The following SNX29 variants were observed in gnomAD, a reference collection of about 807,000 sequenced individuals.
SNX29 encodes sorting nexin-29.
SNX29 carries 78 observed loss-of-function variants against 102.1 expected under a neutral mutation model. That is an observed-to-expected ratio of 0.76 (90% confidence interval 0.64 to 0.92). The LOEUF (loss-of-function observed/expected upper bound fraction) is 0.92, where lower values mean the gene tolerates loss of function less well. Among genes scored for constraint, SNX29 ranks in the 40% least tolerant of loss-of-function variants. The pLI, the probability that SNX29 is intolerant of heterozygous loss-of-function variation, is 0.00. For synonymous variants in SNX29, 580 were observed against 414.5 expected (o/e 1.40, Z -4.85); for missense variants, 1,280 against 1,061.7 (o/e 1.21, Z -2.86).
chr16:12,193,350 A>G (rs2076691758), intron 13 of SNX29, among the ~76,000 whole-genome samples: 1 of 151,982 alleles, frequency 6.6e-6, no homozygotes, highest in Non-Finnish European at 1.5e-5. Context: ...GGTGCCGGTA[A>G]TCCCAGCTAC....
intron 14 of SNX29, among the ~76,000 whole-genome samples, chr16:12,207,761 A>G (rs572611751): frequency 6.6e-6 from 1 of 152,290 alleles, no homozygotes; most frequent in Non-Finnish European, 1.5e-5. Flanking sequence ...TGGATCTTTC[A>G]GTTTCCTAAA....
At chr16:12,248,932 T>C (rs572279021) in intron 14 of SNX29, among the ~76,000 whole-genome samples, 3 of 152,286 alleles carry the variant, frequency 2.0e-5, no homozygotes, top group East Asian at 1.9e-4. Context: ...GTGAGTAGTG[T>C]GGAGCATGCT....
At chr16:12,011,086 C>T (rs1215657108) in intron 3 of SNX29, among the ~76,000 whole-genome samples, 1 of 152,002 alleles carries the variant, frequency 6.6e-6, no homozygotes, top group South Asian at 2.1e-4. Flanking sequence ...GACTCTCCCC[C>T]TCCCTTACCC....
intron 20 of SNX29, chr16:12,557,623 G>C (rs531207020): frequency 3.3e-5 from 5 of 152,132 alleles, no homozygotes; most frequent in African/African-American, 1.2e-4. Context: ...TGGCATCCCA[G>C]AATGCTGGGA....
At chr16:11,978,153 A>T (rs1304208917) in intron 1 of SNX29, among the ~76,000 whole-genome samples, 1 of 151,986 alleles carries the variant, frequency 6.6e-6, no homozygotes, top group East Asian at 1.9e-4. Context: ...CAGTCCTAAT[A>T]ATGAGGGGGC....
intron 18 of SNX29, among the ~76,000 whole-genome samples, chr16:12,476,413 CATATATATATATATATAT>C (rs61390803): frequency 2.0e-4 from 4 of 19,526 alleles, no homozygotes; most frequent in African/African-American, 3.1e-4. Flanking sequence ...TATATATATA[CATATATATATATATATAT>C]ATATATATAT....
intron 18 of SNX29, among the ~76,000 whole-genome samples, chr16:12,411,074 C>T (rs1241037200): frequency 6.6e-6 from 1 of 152,194 alleles, no homozygotes; most frequent in East Asian, 1.9e-4. Flanking sequence ...ATGGGAACTG[C>T]AGCTGCAGTG....
intron 8 of SNX29, among the ~76,000 whole-genome samples, chr16:12,054,386 C>T (rs1409555890): frequency 1.3e-5 from 2 of 152,208 alleles, no homozygotes; most frequent in East Asian, 1.9e-4. Flanking sequence ...TATTCTGCTT[C>T]TGGGTGGATC....
Position 12,098,372 on chromosome 16 carries a change from G to A in SNX29, c.1402+19457G>A, listed in dbSNP as rs2052858638. 6.6e-6 allele frequency among the ~76,000 whole-genome samples: 1 copy of A among 152,172 alleles called. No homozygotes were observed. Among genetic ancestry groups the A allele is most frequent in the Non-Finnish European group, 1.5e-5 (1 of 68,028 alleles). On this transcript the variant is annotated intron_variant, in intron 11 of 20. Coordinates refer to ENST00000566228, the MANE Select transcript of SNX29 (RefSeq NM_032167.5). The surrounding 1 kb of genome is among the most constrained non-coding windows in gnomAD (Gnocchi z 6.0). ...ATCAGCCACCTTGCTCCCCGTCCAG[G>A]ACTCTAACCATTGGAGTTCACCTTC...
At chr16:12,565,017 C>G (rs79750562) in intron 20 of SNX29, among the ~76,000 whole-genome samples, 1 of 152,052 alleles carries the variant, frequency 6.6e-6, no homozygotes, top group Non-Finnish European at 1.5e-5. Flanking sequence ...CTGTTGGACG[C>G]CAGTCCTGGG....
chr16:12,503,548 A>G (rs1280624925), intron 19 of SNX29, among the ~76,000 whole-genome samples: 3 of 152,144 alleles, frequency 2.0e-5, no homozygotes, highest in Non-Finnish European at 4.4e-5. Context: ...AGCTGAGGAA[A>G]ACTCCTAGAC....
In SNX29 at chr16:12,181,029, C is replaced by G. The variant is rs144543476; in HGVS notation, c.1596-18572C>G. On this transcript the variant is annotated intron_variant, in intron 13 of 20. Transcript: ENST00000566228. ...TTTTTCCCTCACTGCAGGGCCCAGT[C>G]CTGGAAGGGAGTCCTGACAGTACAG... Among the ~76,000 whole-genome samples, 599 of 152,264 alleles carry G rather than the reference C, an allele frequency of 3.9e-3. 15 individuals carry two copies. Among genetic ancestry groups the G allele is most frequent in the Admixed American group, 0.029 (451 of 15,300 alleles).
chr16:12,327,648 G>T (rs1182247458), intron 15 of SNX29, among the ~76,000 whole-genome samples: 1 of 152,164 alleles, frequency 6.6e-6, no homozygotes. Flanking sequence ...TGGGGGTTTG[G>T]ATTTGAACAT....
chr16:12,527,811 A>G (rs1039904131), intron 20 of SNX29, among the ~76,000 whole-genome samples: 1 of 138,730 alleles, frequency 7.2e-6, no homozygotes, highest in South Asian at 2.3e-4. Flanking sequence ...TTTGTTATTT[A>G]TTTTTCTTCT....
chr16:12,553,172 C>G (rs746926020), intron 20 of SNX29, among the ~76,000 whole-genome samples: 3 of 152,144 alleles, frequency 2.0e-5, no homozygotes, highest in Non-Finnish European at 4.4e-5. Context: ...ATTTTTGGAT[C>G]TTTAAGTCAG....
At chr16:12,533,660 C>A (rs973189518) in intron 20 of SNX29, among the ~76,000 whole-genome samples, 1 of 152,182 alleles carries the variant, frequency 6.6e-6, no homozygotes, top group African/African-American at 2.4e-5. Context: ...GATCTTCCAG[C>A]ATCAATAGGC....
chr16:12,413,294 G>T (rs2084483100), intron 18 of SNX29, among the ~76,000 whole-genome samples: 1 of 152,106 alleles, frequency 6.6e-6, no homozygotes, highest in Non-Finnish European at 1.5e-5. Context: ...GAAGTGGTGG[G>T]ATCTCCTAAC....
chr16:12,212,684 A>G (rs979723044), intron 14 of SNX29, among the ~76,000 whole-genome samples: 3 of 152,140 alleles, frequency 2.0e-5, no homozygotes, highest in African/African-American at 7.2e-5. Flanking sequence ...TAATGAGATT[A>G]TTCATTTTTT....
chr16:12,309,206 G>T (rs1879441528), intron 15 of SNX29, among the ~76,000 whole-genome samples: 1 of 152,134 alleles, frequency 6.6e-6, no homozygotes, highest in South Asian at 2.1e-4. Context: ...GTTTGAGTTG[G>T]GTTCAGGACA....
Sources: gnomAD v4.1 joint callset for allele counts (sites outside exome capture counted in the v4.1 genomes callset) on GRCh38, gnomAD v4.1.1 for gene constraint, Gnocchi (gnomAD v3.1) non-coding constraint, MANE v1.5 for transcripts, NCBI Gene and HGNC (gene_info 2026-07-23, HGNC 2026-07-21) for gene names.